The following CDH13 variants were observed in gnomAD, a reference collection of about 807,000 sequenced individuals.
The protein encoded by CDH13 is cadherin-13.
CDH13 carries 24 observed loss-of-function variants against 63.8 expected under a neutral mutation model. The observed-to-expected ratio is 0.38, with a 90% CI of 0.27 to 0.53. The LOEUF (loss-of-function observed/expected upper bound fraction) is 0.53. CDH13 is among the 20% of genes least tolerant of loss of function. The pLI, the probability that CDH13 is intolerant of heterozygous loss-of-function variation, is 0.85. For synonymous variants in CDH13, 503 were observed against 355.3 expected (o/e 1.42, Z -4.67); for missense variants, 1,049 against 903.1 (o/e 1.16, Z -2.07).
At chr16:83,177,001 A>G (rs1464775201) in intron 4 of CDH13, among the ~76,000 whole-genome samples, 1 of 152,162 alleles carries the variant, frequency 6.6e-6, no homozygotes, top group East Asian at 1.9e-4. Context: ...ACTGCCATCC[A>G]CTGGAGCTTG....
chr16:83,352,527 C>A (rs2090974293), intron 6 of CDH13, among the ~76,000 whole-genome samples: 1 of 152,160 alleles, frequency 6.6e-6, no homozygotes, highest in Non-Finnish European at 1.5e-5. Context: ...TCATGGTTAT[C>A]ACTACGTATA....
At chr16:83,497,354 G>C (rs1046266466) in intron 7 of CDH13, among the ~76,000 whole-genome samples, 15 of 152,026 alleles carry the variant, frequency 9.9e-5, no homozygotes, top group South Asian at 6.3e-4. Flanking sequence ...AGTTCATGTC[G>C]TTTGTAGGGA....
At chr16:83,784,648 AG>A (rs1915760384) in intron 13 of CDH13, among the ~76,000 whole-genome samples, 1 of 150,692 alleles carries the variant, frequency 6.6e-6, no homozygotes, top group Non-Finnish European at 1.5e-5. Context: ...AAAAAAAAAA[AG>A]GAAACAAGAA....
chr16:82,782,032 C>A (rs1458790453), intron 1 of CDH13, among the ~76,000 whole-genome samples: 1 of 152,206 alleles, frequency 6.6e-6, no homozygotes, highest in Non-Finnish European at 1.5e-5. Flanking sequence ...GTGAGGAACA[C>A]AACAGCAGGA....
In CDH13 at chr16:82,970,887, C is replaced by T. The variant is rs542379297; in HGVS notation, c.158-61123C>T. On this transcript the variant is annotated intron_variant, in intron 2 of 13. Coordinates refer to ENST00000567109, the MANE Select transcript of CDH13 (RefSeq NM_001257.5). Reference sequence around the variant, plus strand: ...TATTGCAAGAGCACTTTTTTACCTTCCAATGCCCAGTGCTTCAGTACTTAC... The same window carrying T: ...TATTGCAAGAGCACTTTTTTACCTTTCAATGCCCAGTGCTTCAGTACTTAC... 7.9e-5 allele frequency among the ~76,000 whole-genome samples: 12 copies of T among 152,266 alleles called. No homozygotes were observed. The South Asian group carries it at 2.5e-3, about 32-fold the overall frequency.
chr16:83,722,956 G>A (rs1909892221), intron 10 of CDH13, among the ~76,000 whole-genome samples: 1 of 152,232 alleles, frequency 6.6e-6, no homozygotes, highest in South Asian at 2.1e-4. Context: ...CCTGACAGGT[G>A]CCATATTTCT....
chr16:83,535,143 T>A (rs1335581454), intron 7 of CDH13, among the ~76,000 whole-genome samples: 1 of 152,200 alleles, frequency 6.6e-6, no homozygotes, highest in Non-Finnish European at 1.5e-5. Context: ...AAGAGTTAAC[T>A]GGGAGACCAG....
intron 5 of CDH13, among the ~76,000 whole-genome samples, chr16:83,290,039 G>T (rs569960865): frequency 1.3e-5 from 2 of 152,168 alleles, no homozygotes; most frequent in African/African-American, 4.8e-5. Context: ...GATTAGATTG[G>T]CCTGTTTGGG....
At chr16:83,065,367 G>T (rs1375153334) in intron 3 of CDH13, among the ~76,000 whole-genome samples, 1 of 152,126 alleles carries the variant, frequency 6.6e-6, no homozygotes. Flanking sequence ...AGATGGGATG[G>T]AGAAGTTTCT....
At chr16:83,719,081 A>T (rs1421680762) in intron 10 of CDH13, among the ~76,000 whole-genome samples, 2 of 152,154 alleles carry the variant, frequency 1.3e-5, no homozygotes, top group Non-Finnish European at 2.9e-5. Flanking sequence ...GCCTCTTAAA[A>T]TCATTCTCTC....
At chr16:83,568,779 G>A (rs1904317479) in intron 7 of CDH13, among the ~76,000 whole-genome samples, 1 of 152,118 alleles carries the variant, frequency 6.6e-6, no homozygotes, top group African/African-American at 2.4e-5. Flanking sequence ...CTCAGTCCCA[G>A]TTCCTCCTCC....
At chr16:83,424,202 G>A (rs113484161) in intron 6 of CDH13, among the ~76,000 whole-genome samples, 1 of 141,740 alleles carries the variant, frequency 7.1e-6, no homozygotes, top group Admixed American at 7.1e-5. Context: ...AGTCTAGAAG[G>A]GGGAAATCCA....
intron 13 of CDH13, among the ~76,000 whole-genome samples, chr16:83,791,034 T>C (rs1360445481): frequency 6.6e-6 from 1 of 151,450 alleles, no homozygotes; most frequent in Non-Finnish European, 1.5e-5. Flanking sequence ...AAGAGGGGAG[T>C]GGGCAGGGCA....
intron 1 of CDH13, among the ~76,000 whole-genome samples, chr16:82,849,297 A>T (rs2039388144): frequency 6.6e-6 from 1 of 152,116 alleles, no homozygotes; most frequent in Non-Finnish European, 1.5e-5. Flanking sequence ...AGGTCAGGAG[A>T]GCAACACCAT....
intron 7 of CDH13, among the ~76,000 whole-genome samples, chr16:83,497,671 C>T (rs2074178216): frequency 6.6e-6 from 1 of 151,976 alleles, no homozygotes; most frequent in African/African-American, 2.4e-5. Context: ...AAAAAGTGAC[C>T]ATTAAAAATT....
Position 83,783,492 on chromosome 16 carries a change from G to T in CDH13, c.2134+20G>T, listed in dbSNP as rs371363694. The T allele has an allele frequency of 1.3e-6, 2 of 1,588,286 alleles. No homozygotes were observed. The highest frequency in any genetic ancestry group is 2.7e-5 in the African/African-American group (2 of 74,516). ...TAGCTTGTAAGTTGACCTAACTCCA[G>T]TGCATGCACAAACAGGAAATTGTAA... On this transcript the variant is annotated intron_variant, in intron 13 of 13. Coordinates refer to ENST00000567109, the MANE Select transcript of CDH13 (RefSeq NM_001257.5).
At chr16:83,019,580 C>G (rs1265490576) in intron 2 of CDH13, among the ~76,000 whole-genome samples, 1 of 150,540 alleles carries the variant, frequency 6.6e-6, no homozygotes, top group Non-Finnish European at 1.5e-5. Context: ...ACTACAGCCT[C>G]TGCCTCCTGG....
At chr16:83,445,900 A>G (rs2072673024) in intron 6 of CDH13, among the ~76,000 whole-genome samples, 2 of 152,180 alleles carry the variant, frequency 1.3e-5, no homozygotes, top group African/African-American at 4.8e-5. Flanking sequence ...CGAACAACAG[A>G]CAGTTCAGAG....
At chr16:82,735,990 C>T (rs1364799338) in intron 1 of CDH13, among the ~76,000 whole-genome samples, 4 of 152,174 alleles carry the variant, frequency 2.6e-5, no homozygotes, top group Non-Finnish European at 4.4e-5. Context: ...TTCAGCCAAG[C>T]TAGTCAGTCT....
Sources: gnomAD v4.1 joint callset for allele counts (sites outside exome capture counted in the v4.1 genomes callset) on GRCh38, gnomAD v4.1.1 for gene constraint, MANE v1.5 for transcripts, NCBI Gene and HGNC (gene_info 2026-07-23, HGNC 2026-07-21) for gene names.